Variants in SLC35F1 observed in about 807,000 individuals in gnomAD.
SLC35F1 encodes chromosome 6 open reading frame 169.
In SLC35F1, 14 loss-of-function variants were observed where a neutral mutation model predicts 48.7. The ratio of observed to expected loss-of-function variants is 0.29; its 90% CI spans 0.19 to 0.45. The LOEUF (loss-of-function observed/expected upper bound fraction) is 0.45, where lower values mean the gene tolerates loss of function less well. Ranked by LOEUF, SLC35F1 falls within the 20% of genes least tolerant of loss-of-function variation. SLC35F1 has a pLI of 1.00. For synonymous variants in SLC35F1, 190 were observed against 202.2 expected (o/e 0.94, Z 0.51); for missense variants, 404 against 500.0 (o/e 0.81, Z 1.83).
At chr6:118,026,025 G>A (rs1771935975) in intron 1 of SLC35F1, among the ~76,000 whole-genome samples, 1 of 152,136 alleles carries the variant, frequency 6.6e-6, no homozygotes. Context: ...AGGTGCTGTG[G>A]GAGATTCGAG....
chr6:118,048,174 T>C (rs941611287), intron 1 of SLC35F1, among the ~76,000 whole-genome samples: 3 of 152,222 alleles, frequency 2.0e-5, no homozygotes, highest in African/African-American at 7.2e-5. Flanking sequence ...ATTTATATGC[T>C]GGATTACATT....
At chr6:118,158,098 G>A (rs932796332) in intron 2 of SLC35F1, among the ~76,000 whole-genome samples, 11 of 152,148 alleles carry the variant, frequency 7.2e-5, no homozygotes, top group Non-Finnish European at 1.6e-4. Flanking sequence ...GTGATGGAGA[G>A]AATCAATTTC....
intron 1 of SLC35F1, among the ~76,000 whole-genome samples, chr6:118,094,317 T>C (rs972206104): frequency 6.6e-6 from 1 of 152,106 alleles, no homozygotes; most frequent in Admixed American, 6.6e-5. Flanking sequence ...GAAGTGGGTT[T>C]GTAAAGTATG....
At chr6:118,105,860 A>T (rs1041842719) in intron 1 of SLC35F1, among the ~76,000 whole-genome samples, 1 of 152,228 alleles carries the variant, frequency 6.6e-6, no homozygotes, top group Non-Finnish European at 1.5e-5. Flanking sequence ...ATTCACGATC[A>T]TACATCAAAG....
chr6:118,003,357 C>T (rs1777131189), intron 1 of SLC35F1, among the ~76,000 whole-genome samples: 2 of 152,114 alleles, frequency 1.3e-5, no homozygotes, highest in African/African-American at 4.8e-5. Context: ...CTGTAGTTAC[C>T]AGGATAACAT....
intron 2 of SLC35F1, among the ~76,000 whole-genome samples, chr6:118,222,643 A>C (rs957964220): frequency 3.3e-5 from 5 of 152,258 alleles, no homozygotes; most frequent in African/African-American, 9.6e-5. Context: ...GTTTACTAAC[A>C]TCTTCCAATG....
At chr6:118,134,590 C>A (rs74829059) in intron 1 of SLC35F1, among the ~76,000 whole-genome samples, 1 of 152,166 alleles carries the variant, frequency 6.6e-6, no homozygotes, top group Non-Finnish European at 1.5e-5. Flanking sequence ...GGTGAACTTG[C>A]GGCAGAGACC....
At chr6:118,103,222 G>T (rs1291760529) in intron 1 of SLC35F1, among the ~76,000 whole-genome samples, 1 of 151,900 alleles carries the variant, frequency 6.6e-6, no homozygotes, top group Non-Finnish European at 1.5e-5. Context: ...GTGACCTCCT[G>T]CTTCGAGGAT....
intron 6 of SLC35F1, among the ~76,000 whole-genome samples, chr6:118,279,374 T>A (rs1271770444): frequency 6.6e-6 from 1 of 152,208 alleles, no homozygotes; most frequent in African/African-American, 2.4e-5. Context: ...GCGTTTGGGA[T>A]GTGTTTACAC....
In SLC35F1 at chr6:118,183,936, G is replaced by A. The variant is rs547743184; in HGVS notation, c.349+29316G>A. 1.6e-4 allele frequency among the ~76,000 whole-genome samples: 24 copies of A among 151,966 alleles called. No individual in the cohort carries two copies. The South Asian group carries it at 3.5e-3, about 22-fold the overall frequency. ...TCTCTTATTCTTTGACCTTTCATTC[G>A]TTTCCCTAGTCTTTGAATATCAGGA... On this transcript the variant is annotated intron_variant, in intron 2 of 7. Coordinates refer to ENST00000360388, the MANE Select transcript of SLC35F1 (RefSeq NM_001029858.4).
At chr6:118,148,905 T>G (rs1774014763) in intron 1 of SLC35F1, among the ~76,000 whole-genome samples, 1 of 152,214 alleles carries the variant, frequency 6.6e-6, no homozygotes. Flanking sequence ...ACATGATTTT[T>G]GTCTTTCAGA....
At chr6:117,932,508 GTCA>G (rs1349062062) in intron 1 of SLC35F1, among the ~76,000 whole-genome samples, 1 of 152,084 alleles carries the variant, frequency 6.6e-6, no homozygotes, top group Non-Finnish European at 1.5e-5. Flanking sequence ...TAAAGCTTCT[GTCA>G]TCTCTTCTCA....
At chr6:118,196,103 A>T (rs115853751) in intron 2 of SLC35F1, among the ~76,000 whole-genome samples, 1 of 152,238 alleles carries the variant, frequency 6.6e-6, no homozygotes, top group Non-Finnish European at 1.5e-5. Context: ...AAAGTGACGT[A>T]TGGAAATCAG....
chr6:118,179,591 C>T (rs1774541821), intron 2 of SLC35F1, among the ~76,000 whole-genome samples: 1 of 152,118 alleles, frequency 6.6e-6, no homozygotes, highest in Non-Finnish European at 1.5e-5. Context: ...TTTTACTAGC[C>T]ATCTGGGCAC....
chr6:118,310,989 A>G (rs947777807), intron 7 of SLC35F1, among the ~76,000 whole-genome samples: 1 of 152,160 alleles, frequency 6.6e-6, no homozygotes. Context: ...TTCTACCTGG[A>G]TACTCTGTAT....
At chr6:117,993,527 A>C (rs1256301862) in intron 1 of SLC35F1, among the ~76,000 whole-genome samples, 1 of 152,086 alleles carries the variant, frequency 6.6e-6, no homozygotes, top group East Asian at 1.9e-4. Context: ...GTGAGCAAGA[A>C]GGAAGCCTTT....
intron 2 of SLC35F1, among the ~76,000 whole-genome samples, chr6:118,180,942 C>T (rs1774566588): frequency 6.6e-6 from 1 of 151,984 alleles, no homozygotes; most frequent in Non-Finnish European, 1.5e-5. Flanking sequence ...AGGAGACAAT[C>T]TTACACAAAA....
intron 2 of SLC35F1, among the ~76,000 whole-genome samples, chr6:118,165,796 G>A (rs985458434): frequency 6.6e-6 from 1 of 152,214 alleles, no homozygotes; most frequent in Non-Finnish European, 1.5e-5. Flanking sequence ...CAAGGAATCA[G>A]GTTTGGGCAC....
intron 2 of SLC35F1, among the ~76,000 whole-genome samples, chr6:118,193,756 C>A (rs1254867531): frequency 6.6e-6 from 1 of 152,118 alleles, no homozygotes; most frequent in African/African-American, 2.4e-5. Flanking sequence ...CTGACTCTTT[C>A]CAGCATAGCT....
Sources: gnomAD v4.1 joint callset for allele counts (sites outside exome capture counted in the v4.1 genomes callset) on GRCh38, gnomAD v4.1.1 for gene constraint, MANE v1.5 for transcripts, NCBI Gene and HGNC (gene_info 2026-07-23, HGNC 2026-07-21) for gene names.